Variants in KAZN observed in about 807,000 individuals in gnomAD.
KAZN encodes kazrin.
In KAZN, 40 loss-of-function variants were observed where a neutral mutation model predicts 87.4. That is an observed-to-expected ratio of 0.46 (90% CI 0.36 to 0.60). KAZN has a LOEUF of 0.60. Among genes scored for constraint, KAZN ranks in the 20% least tolerant of loss-of-function variants. The pLI is 0.00. For synonymous variants in KAZN, 466 were observed against 458.3 expected (o/e 1.02, Z -0.22); for missense variants, 898 against 1,073.9 (o/e 0.84, Z 2.29).
chr1:14,719,429 G>T (rs1052878841), intron 1 of KAZN, among the ~76,000 whole-genome samples: 2 of 152,328 alleles, frequency 1.3e-5, no homozygotes, highest in African/African-American at 2.4e-5. Flanking sequence ...GTGTCCAGTG[G>T]TCTGTTAGAA....
intron 2 of KAZN, among the ~76,000 whole-genome samples, chr1:14,384,427 A>T (rs1028022199): frequency 9.2e-5 from 14 of 152,040 alleles, no homozygotes; most frequent in Non-Finnish European, 1.3e-4. Flanking sequence ...GTTTTTGCCC[A>T]TTCAGTATGA....
intron 1 of KAZN, among the ~76,000 whole-genome samples, chr1:13,933,369 G>A (rs1223590145): frequency 6.6e-6 from 1 of 152,066 alleles, no homozygotes; most frequent in Admixed American, 6.5e-5. Flanking sequence ...GCGCATGACT[G>A]TAATCCCAGC....
intron 1 of KAZN, among the ~76,000 whole-genome samples, chr1:14,616,410 C>CTTGGTATAAA (rs1678244570): frequency 6.6e-6 from 1 of 151,950 alleles, no homozygotes; most frequent in Non-Finnish European, 1.5e-5. Context: ...ACAGAGGAGT[C>CTTGGTATAAA]CTCTGGTATG....
At chr1:14,904,521 G>A (rs1011699214) in intron 1 of KAZN, among the ~76,000 whole-genome samples, 2 of 152,138 alleles carry the variant, frequency 1.3e-5, no homozygotes, top group African/African-American at 4.8e-5. Flanking sequence ...GATGCGGGAC[G>A]TCCCCCTGTA....
intron 2 of KAZN, among the ~76,000 whole-genome samples, chr1:14,570,887 T>C (rs1469721368): frequency 6.6e-6 from 1 of 152,204 alleles, no homozygotes; most frequent in Non-Finnish European, 1.5e-5. Context: ...TACCTCTGTT[T>C]CAAACGACTG....
At chr1:14,049,498 T>G (rs1030043022) in intron 1 of KAZN, among the ~76,000 whole-genome samples, 6 of 152,088 alleles carry the variant, frequency 3.9e-5, no homozygotes, top group Non-Finnish European at 7.4e-5. Flanking sequence ...AACCTTCCAA[T>G]GAGTACCTGC....
intron 1 of KAZN, among the ~76,000 whole-genome samples, chr1:14,617,627 T>C (rs888723817): frequency 2.6e-5 from 4 of 152,186 alleles, no homozygotes; most frequent in Admixed American, 1.3e-4. Context: ...CGGTGATAAG[T>C]GCATGGGACA....
chr1:14,859,020 C>T (rs572724742), intron 1 of KAZN, among the ~76,000 whole-genome samples: 11 of 152,182 alleles, frequency 7.2e-5, no homozygotes, highest in African/African-American at 1.2e-4. Context: ...TCCTGGCTAA[C>T]GCAGTGAAAC....
intron 2 of KAZN, among the ~76,000 whole-genome samples, chr1:14,386,827 G>T (rs148673464): frequency 1.3e-5 from 2 of 151,866 alleles, no homozygotes; most frequent in Non-Finnish European, 2.9e-5. Context: ...TCTTTGTGGC[G>T]TTCTCTGTAT....
At chr1:14,352,412 A>G (rs1658623926) in intron 2 of KAZN, among the ~76,000 whole-genome samples, 1 of 152,154 alleles carries the variant, frequency 6.6e-6, no homozygotes, top group Admixed American at 6.5e-5. Flanking sequence ...CAGCTGAGGA[A>G]AGCCGCCTGA....
chr1:14,692,101 A>G lies in KAZN; in HGVS notation c.226+92878A>G, dbSNP rs1482719309. On this transcript the variant is annotated intron_variant, in intron 1 of 14. Transcript: ENST00000376030. Reference sequence around the variant, plus strand: ...AAAATGGGCCCCAGGATTTAATGCAAACATCACCCTGTACAAGAAAAGTTT... The same window carrying G: ...AAAATGGGCCCCAGGATTTAATGCAGACATCACCCTGTACAAGAAAAGTTT... 5 of 305,788 alleles carry G rather than the reference A, an allele frequency of 1.6e-5. No individual in the cohort carries two copies. In the East Asian group the frequency reaches 2.7e-4, roughly 17 times the overall value. The allele number at this position is 305,788 out of a possible 1,614,324, so 18.9% of individuals were successfully genotyped here. A position where few individuals can be genotyped will look rare whatever the true frequency, so the allele number is the denominator to read the frequency against.
chr1:14,386,587 G>A (rs182222150), intron 2 of KAZN, among the ~76,000 whole-genome samples: 2 of 151,970 alleles, frequency 1.3e-5, no homozygotes, highest in East Asian at 1.9e-4. Context: ...TAGTTTGGCT[G>A]GATATGAAAT....
At chr1:15,045,198 C>G (rs909581090) in intron 4 of KAZN, among the ~76,000 whole-genome samples, 3 of 152,102 alleles carry the variant, frequency 2.0e-5, no homozygotes, top group African/African-American at 4.8e-5. Flanking sequence ...CTGGGCAGAT[C>G]CAGGGAGCTT....
At chr1:14,816,467 G>A (rs1646565511) in intron 1 of KAZN, among the ~76,000 whole-genome samples, 1 of 152,104 alleles carries the variant, frequency 6.6e-6, no homozygotes, top group Non-Finnish European at 1.5e-5. Flanking sequence ...GTCACCCAGA[G>A]GCCACCCTCA....
At chr1:14,984,451 G>T (rs1018262643) in intron 2 of KAZN, among the ~76,000 whole-genome samples, 5 of 152,296 alleles carry the variant, frequency 3.3e-5, no homozygotes, top group African/African-American at 1.2e-4. Context: ...TTCTCTCTGT[G>T]GGAAAAGGGC....
intron 2 of KAZN, among the ~76,000 whole-genome samples, chr1:14,386,468 T>C (rs1276353922): frequency 6.6e-6 from 1 of 152,106 alleles, no homozygotes; most frequent in African/African-American, 2.4e-5. Context: ...TTCCTTTCCA[T>C]GTTTAGCACT....
intron 2 of KAZN, among the ~76,000 whole-genome samples, chr1:14,269,515 A>G (rs1651761003): frequency 6.6e-6 from 1 of 152,184 alleles, no homozygotes; most frequent in Admixed American, 6.5e-5. Context: ...CTCCCAGGGA[A>G]CTGGGAGAAG....
intron 2 of KAZN, among the ~76,000 whole-genome samples, chr1:14,524,423 C>T (rs1160919345): frequency 6.6e-6 from 1 of 152,136 alleles, no homozygotes; most frequent in East Asian, 1.9e-4. Flanking sequence ...AGCTTTTCCA[C>T]AAAGGAGCCT....
chr1:14,514,604 T>TGAA (rs1671194142), intron 2 of KAZN, among the ~76,000 whole-genome samples: 13 of 33,932 alleles, frequency 3.8e-4, no homozygotes, highest in African/African-American at 2.0e-3. Context: ...TTTATATATA[T>TGAA]ATATATATAT....
Sources: gnomAD v4.1 joint callset for allele counts (sites outside exome capture counted in the v4.1 genomes callset) on GRCh38, gnomAD v4.1.1 for gene constraint, MANE v1.5 for transcripts, NCBI Gene and HGNC (gene_info 2026-07-23, HGNC 2026-07-21) for gene names.